DZIP3: variants seen among roughly 807,000 people sequenced by gnomAD.
The protein encoded by DZIP3 is DAZ interacting zinc finger protein 3.
In DZIP3, 118 loss-of-function variants were observed where a neutral mutation model predicts 162.0. The ratio of observed to expected loss-of-function variants is 0.73; its 90% CI spans 0.63 to 0.85. The LOEUF is 0.85. Ranked by LOEUF, DZIP3 falls within the 40% of genes least tolerant of loss-of-function variation. The pLI is 0.00. For missense variants in DZIP3, 1,331 were observed against 1,407.0 expected (o/e 0.95, Z 0.86); for synonymous variants, 438 against 458.6 (o/e 0.96, Z 0.57).
intron 1 of DZIP3, chr3:108,602,728 G>C (rs917588782): frequency 6.6e-6 from 1 of 152,112 alleles, no homozygotes; most frequent in Non-Finnish European, 1.5e-5. Context: ...GACATTTCAG[G>C]CTGACTGCTT....
In DZIP3 at chr3:108,673,665, T is replaced by C. The variant is rs181829940; in HGVS notation, c.2590-413T>C. ...GGTCTTATTATTACCTCTTCATCAA[T>C]GACAAAAGAATAGATAGCAGGAGTG... is the stretch of plus-strand genomic sequence containing the variant. On this transcript the variant is annotated intron_variant, in intron 23 of 32. Transcript: ENST00000361582. Among the ~76,000 whole-genome samples, 63 of 152,054 alleles carry C rather than the reference T, an allele frequency of 4.1e-4. No individual in the cohort carries two copies. The Middle Eastern group carries it at 0.01, about 25-fold the overall frequency.
chr3:108,673,094 T>G (rs1943982494), intron 23 of DZIP3, among the ~76,000 whole-genome samples: 1 of 151,996 alleles, frequency 6.6e-6, no homozygotes, highest in South Asian at 2.1e-4. Flanking sequence ...GCCAGCTTTT[T>G]CTAAGTTAGA....
intron 27 of DZIP3, among the ~76,000 whole-genome samples, chr3:108,684,763 G>T (rs1008772640): frequency 6.6e-6 from 1 of 152,082 alleles, no homozygotes; most frequent in African/African-American, 2.4e-5. Context: ...CACATAGTAG[G>T]ACAGTATTTC....
At chr3:108,608,744 T>G (rs1287641962) in intron 3 of DZIP3, among the ~76,000 whole-genome samples, 1 of 152,202 alleles carries the variant, frequency 6.6e-6, no homozygotes, top group African/African-American at 2.4e-5. Flanking sequence ...GATTAAGAGA[T>G]ATTTGTTAGG....
chr3:108,675,563 C>T (rs896436274), intron 24 of DZIP3, among the ~76,000 whole-genome samples: 5 of 151,978 alleles, frequency 3.3e-5, no homozygotes, highest in African/African-American at 9.7e-5. Context: ...CTGGAAGCAT[C>T]AATTTTATTT....
intron 18 of DZIP3, among the ~76,000 whole-genome samples, chr3:108,653,507 G>GTGTGTGTATATATA (rs1273159630): frequency 3.8e-5 from 4 of 104,602 alleles, no homozygotes; most frequent in African/African-American, 1.0e-4. Flanking sequence ...GTGTGTGTGT[G>GTGTGTGTATATATA]TATATATATA....
intron 26 of DZIP3, among the ~76,000 whole-genome samples, chr3:108,682,888 T>C (rs1944371704): frequency 6.6e-6 from 1 of 150,898 alleles, no homozygotes; most frequent in Admixed American, 6.6e-5. Context: ...TGTACAATTA[T>C]GTGTCCATTG....
chr3:108,624,612 A>T lies in DZIP3; in HGVS notation c.456+88A>T, dbSNP rs1278529222. On this transcript the variant is annotated intron_variant, in intron 6 of 32. Coordinates refer to ENST00000361582, the MANE Select transcript of DZIP3 (RefSeq NM_014648.4). Reference sequence around the variant, plus strand: ...ATTATAATATGAAACTAAAAATATTAAAAAAGGAAACTTAATATTAGCTTA... The same window carrying T: ...ATTATAATATGAAACTAAAAATATTTAAAAAGGAAACTTAATATTAGCTTA... 2.3e-5 allele frequency: 15 copies of T among 659,458 alleles called. No individual in the cohort carries two copies. In the South Asian group the frequency reaches 3.8e-4, roughly 17 times the overall value. The allele number at this position is 659,458 out of a possible 1,614,324, so 40.9% of individuals were successfully genotyped here.
intron 4 of DZIP3, among the ~76,000 whole-genome samples, chr3:108,615,073 C>T (rs999341077): frequency 2.6e-5 from 4 of 152,152 alleles, no homozygotes; most frequent in African/African-American, 9.7e-5. Flanking sequence ...CAATTTTCCC[C>T]CAAGCCTTGC....
rs1265231556 is a variant in DZIP3 at position 108,632,834 on chromosome 3, G to A, written c.697-119G>A. The A allele has an allele frequency of 6.2e-5, 29 of 468,668 alleles. 1 individual carries two copies. Among genetic ancestry groups the A allele is most frequent in the Non-Finnish European group, 3.5e-6 (1 of 285,594 alleles). The allele number at this position is 468,668 out of a possible 1,614,324, so 29.0% of individuals were successfully genotyped here. On this transcript the variant is annotated intron_variant, in intron 8 of 32. Transcript: ENST00000361582. ...CTATTAAAAAAATACATATATACAA[G>A]TACTTCGAAAAGGGATATGATATGG...
chr3:108,687,901 C>G, intron 28 of DZIP3, 75 bp from the exon 29 acceptor site: 4 of 1,572,762 alleles, frequency 2.5e-6, no homozygotes, highest in Non-Finnish European at 3.5e-6. Context: ...GATTTTATAT[C>G]TCCTTTGGTG....
intron 26 of DZIP3, among the ~76,000 whole-genome samples, chr3:108,679,365 T>G (rs1306870128): frequency 2.0e-5 from 3 of 152,096 alleles, no homozygotes; most frequent in Non-Finnish European, 4.4e-5. Context: ...CTTTGGAGAC[T>G]TTCTTATGTC....
chr3:108,603,317 C>T (rs1940137420), intron 1 of DZIP3: 1 of 152,072 alleles, frequency 6.6e-6, no homozygotes, highest in Non-Finnish European at 1.5e-5. Context: ...AGTTTGATCA[C>T]AGTTCTAAAA....
intron 13 of DZIP3, among the ~76,000 whole-genome samples, chr3:108,643,811 CAT>C: frequency 6.6e-6 from 1 of 151,922 alleles, no homozygotes; most frequent in Non-Finnish European, 1.5e-5. Context: ...TATAGTTAGA[CAT>C]TGACAATTAG....
At chr3:108,603,154 A>T (rs775845492) in intron 1 of DZIP3, 3 of 152,134 alleles carry the variant, frequency 2.0e-5, no homozygotes, top group Non-Finnish European at 4.4e-5. Flanking sequence ...GCAGAGGGGG[A>T]GGACTCCAAG....
intron 5 of DZIP3, among the ~76,000 whole-genome samples, chr3:108,622,880 C>G (rs13078987): frequency 0.55 from 29,333 of 53,802 alleles, 8,163 homozygotes; most frequent in East Asian, 0.73. Flanking sequence ...CTCTCTCTCT[C>G]TGTGTGTGTG....
intron 25 of DZIP3, 87 bp from the exon 26 acceptor site, chr3:108,677,410 A>C: frequency 9.4e-7 from 1 of 1,064,288 alleles, no homozygotes; most frequent in Non-Finnish European, 1.4e-6. Flanking sequence ...TGTATGTTGT[A>C]TTATTCAAAA....
intron 19 of DZIP3, among the ~76,000 whole-genome samples, chr3:108,658,322 C>G (rs895401804): frequency 3.3e-5 from 5 of 152,142 alleles, no homozygotes; most frequent in African/African-American, 4.8e-5. Context: ...AAGTAGAACT[C>G]AAGATTAAGA....
rs112248541 is a variant in DZIP3 at position 108,655,354 on chromosome 3, G to T, written c.2199+1044G>T. 4.7e-3 allele frequency among the ~76,000 whole-genome samples: 721 copies of T among 152,250 alleles called. 3 individuals carry two copies. The highest frequency in any genetic ancestry group is 0.016 in the African/African-American group (658 of 41,558). On this transcript the variant is annotated intron_variant, in intron 19 of 32. Transcript: ENST00000361582. Reference sequence around the variant, plus strand: ...TGTTTGGGCAATTAAGACTGCCTTAGAATGCAGGCTCCTCCACTTACTGTC... The same window carrying T: ...TGTTTGGGCAATTAAGACTGCCTTATAATGCAGGCTCCTCCACTTACTGTC...
Sources: gnomAD v4.1 joint callset for allele counts (sites outside exome capture counted in the v4.1 genomes callset) on GRCh38, gnomAD v4.1.1 for gene constraint, MANE v1.5 for transcripts, NCBI Gene and HGNC (gene_info 2026-07-23, HGNC 2026-07-21) for gene names.